Variants in WWOX observed in about 807,000 individuals in gnomAD.
The protein encoded by WWOX is WW domain-containing oxidoreductase.
Under a neutral mutation model 46.2 loss-of-function variants are expected in WWOX, and 69 were observed. The observed-to-expected ratio is 1.49, with a 90% CI of 1.23 to 1.82. The LOEUF (loss-of-function observed/expected upper bound fraction) is 1.82. WWOX is among the 40% of genes most tolerant of loss of function. The pLI, the probability that WWOX is intolerant of heterozygous loss-of-function variation, is 0.00. For missense variants in WWOX, 919 were observed against 542.6 expected (o/e 1.69, Z -6.89); for synonymous variants, 359 against 202.6 (o/e 1.77, Z -6.56).
At chr16:78,192,752 TTTTA>T (rs1367466551) in intron 5 of WWOX, among the ~76,000 whole-genome samples, 2 of 152,182 alleles carry the variant, frequency 1.3e-5, no homozygotes, top group African/African-American at 4.8e-5. Flanking sequence ...TTAAAAAAGT[TTTTA>T]TTTGTTTGGT....
At chr16:78,575,039 A>AAAGCTG (rs2044830003) in intron 8 of WWOX, among the ~76,000 whole-genome samples, 1 of 3,366 alleles carries the variant, frequency 3.0e-4, no homozygotes, top group African/African-American at 1.2e-3. Flanking sequence ...ATATATATAT[A>AAAGCTG]TATATATATA....
chr16:78,883,509 A>T (rs1020836554), intron 8 of WWOX, among the ~76,000 whole-genome samples: 11 of 152,256 alleles, frequency 7.2e-5, no homozygotes, highest in African/African-American at 2.6e-4. Flanking sequence ...TGATCACTTG[A>T]GGTCAGGAGT....
intron 8 of WWOX, among the ~76,000 whole-genome samples, chr16:78,663,017 C>T (rs553269050): frequency 1.3e-5 from 2 of 152,308 alleles, no homozygotes; most frequent in East Asian, 3.9e-4. Context: ...TTATTCAGTA[C>T]TGCAATAGTC....
intron 8 of WWOX, among the ~76,000 whole-genome samples, chr16:79,009,133 A>G (rs926484553): frequency 6.6e-6 from 1 of 152,216 alleles, no homozygotes; most frequent in South Asian, 2.1e-4. Context: ...GGCTTAATGG[A>G]TGATCATCTT....
At chr16:78,618,208 T>A (rs1294467536) in intron 8 of WWOX, among the ~76,000 whole-genome samples, 1 of 152,200 alleles carries the variant, frequency 6.6e-6, no homozygotes, top group African/African-American at 2.4e-5. Flanking sequence ...AAGTCCTTGC[T>A]CTCCAACCTC....
chr16:79,122,145 C>G (rs747712157), intron 8 of WWOX, among the ~76,000 whole-genome samples: 6 of 152,154 alleles, frequency 3.9e-5, no homozygotes, highest in Non-Finnish European at 7.3e-5. Flanking sequence ...GCCGGGAACA[C>G]AGCTGTTTCT....
intron 4 of WWOX, among the ~76,000 whole-genome samples, chr16:78,119,987 C>G (rs906216801): frequency 2.6e-5 from 4 of 152,236 alleles, no homozygotes; most frequent in African/African-American, 4.8e-5. Flanking sequence ...AATAGCCTAG[C>G]TTCGTTACAG....
intron 5 of WWOX, among the ~76,000 whole-genome samples, chr16:78,316,570 T>C (rs2080359997): frequency 6.6e-6 from 1 of 152,134 alleles, no homozygotes; most frequent in African/African-American, 2.4e-5. Flanking sequence ...CTAAAACTCC[T>C]GGCCTCAGGT....
intron 8 of WWOX, among the ~76,000 whole-genome samples, chr16:78,446,972 G>A (rs1199009209): frequency 6.6e-6 from 1 of 152,068 alleles, no homozygotes; most frequent in African/African-American, 2.4e-5. Context: ...ACTTATTTTA[G>A]GTGTATTATG....
intron 8 of WWOX, among the ~76,000 whole-genome samples, chr16:79,039,184 T>A (rs1280292348): frequency 6.6e-6 from 1 of 152,178 alleles, no homozygotes; most frequent in Admixed American, 6.5e-5. Flanking sequence ...TGTTACGGTT[T>A]TGAACCCAGG....
chr16:79,174,433 G>A (rs2050760342), intron 8 of WWOX, among the ~76,000 whole-genome samples: 1 of 152,166 alleles, frequency 6.6e-6, no homozygotes, highest in African/African-American at 2.4e-5. Flanking sequence ...TGGATCACCT[G>A]AGGTCAGGAG....
At chr16:78,638,874 A>G (rs2046637970) in intron 8 of WWOX, among the ~76,000 whole-genome samples, 1 of 152,078 alleles carries the variant, frequency 6.6e-6, no homozygotes, top group African/African-American at 2.4e-5. Flanking sequence ...TCTATTTGCA[A>G]GCTTTAGTCC....
At chr16:78,686,274 G>A (rs1477572974) in intron 8 of WWOX, among the ~76,000 whole-genome samples, 2 of 152,166 alleles carry the variant, frequency 1.3e-5, no homozygotes, top group Non-Finnish European at 2.9e-5. Flanking sequence ...GACTTTGGGA[G>A]GCCGAGGCGG....
At chr16:78,724,751 C>T (rs11865563) in intron 8 of WWOX, among the ~76,000 whole-genome samples, 3,611 of 152,210 alleles carry the variant, frequency 0.024, 142 homozygotes, top group African/African-American at 0.083. Flanking sequence ...CTCCTGAACC[C>T]TGAAGGAGAC....
chr16:78,454,368 G>A (rs904041148), intron 8 of WWOX, among the ~76,000 whole-genome samples: 4 of 150,746 alleles, frequency 2.7e-5, no homozygotes, highest in African/African-American at 9.9e-5. Context: ...GTGTGTGTGT[G>A]TGTGTGTGTG....
At chr16:78,239,574 A>G (rs1207677996) in intron 5 of WWOX, among the ~76,000 whole-genome samples, 1 of 151,970 alleles carries the variant, frequency 6.6e-6, no homozygotes, top group Non-Finnish European at 1.5e-5. Context: ...TCGCTTTGTC[A>G]TACAGGCTGG....
chr16:79,159,206 G>A (rs940373229), intron 8 of WWOX, among the ~76,000 whole-genome samples: 1 of 152,180 alleles, frequency 6.6e-6, no homozygotes, highest in African/African-American at 2.4e-5. Flanking sequence ...TGTAGTAATA[G>A]ACTAATCTCA....
chr16:79,089,178 A>G (rs1298801658), intron 8 of WWOX, among the ~76,000 whole-genome samples: 2 of 152,144 alleles, frequency 1.3e-5, no homozygotes, highest in East Asian at 1.9e-4. Context: ...ATAGCTGCAT[A>G]ACTGGTTTCT....
chr16:78,617,367 A>G (rs1458217797), intron 8 of WWOX, among the ~76,000 whole-genome samples: 3 of 149,576 alleles, frequency 2.0e-5, no homozygotes, highest in African/African-American at 7.4e-5. Flanking sequence ...GCACCACTGC[A>G]CCCCAGCCTG....
Sources: allele counts gnomAD v4.1 joint callset (sites outside exome capture counted in the v4.1 genomes callset), GRCh38; gene constraint gnomAD v4.1.1; transcripts MANE v1.5; gene names NCBI Gene and HGNC (gene_info 2026-07-23, HGNC 2026-07-21).